The following KYNU variants were observed in gnomAD, a reference collection of about 807,000 sequenced individuals.
KYNU encodes the protein kynureninase, also known as L-kynurenine hydrolase.
Under a neutral mutation model 59.2 loss-of-function variants are expected in KYNU, and 54 were observed. That is an observed-to-expected ratio of 0.91 (90% CI 0.73 to 1.14). KYNU has a LOEUF of 1.14. KYNU is among the 50% of genes most tolerant of loss of function. The probability of loss-of-function intolerance (pLI) is 0.00; values close to 1 mark genes in which losing one functional copy is unlikely to be tolerated. For missense variants in KYNU, 567 were observed against 554.4 expected, an observed-to-expected ratio of 1.02 and a Z score of -0.23; for synonymous variants, 177 against 192.0, an observed-to-expected ratio of 0.92 and a Z score of 0.65.
chr2:142,962,758 A>C (rs1371542939), intron 8 of KYNU, among the ~76,000 whole-genome samples: 1 of 152,214 alleles, frequency 6.6e-6, no homozygotes, highest in Non-Finnish European at 1.5e-5. Context: ...GCAGATGTAG[A>C]TTTATCCATT....
intron 4 of KYNU, among the ~76,000 whole-genome samples, chr2:142,941,327 A>G (rs1199381266): frequency 6.6e-6 from 1 of 152,248 alleles, no homozygotes; most frequent in African/African-American, 2.4e-5. Context: ...ACTGAGAACA[A>G]AAACCAAATA....
chr2:143,046,106 A>C lies in KYNU; in HGVS notation c.*3934A>C, dbSNP rs1687161229. On this transcript the variant is annotated 3_prime_UTR_variant, in exon 14 of 14. Coordinates refer to ENST00000264170, the MANE Select transcript of KYNU (RefSeq NM_003937.3). ...CATGTACTCAACACCTAGGTTAAAA[A>C]ATAGCATTAAAAATTCTCTTTCCAG... 1 of 152,174 alleles carries C rather than the reference A, an allele frequency of 6.6e-6. No homozygotes were observed. The highest frequency in any genetic ancestry group is 1.5e-5 in the Non-Finnish European group (1 of 68,034). The allele number at this position is 152,174 out of a possible 1,614,324, so 9.4% of individuals were successfully genotyped here.
At position 142,931,075 on chromosome 2, in the gene KYNU, C is replaced by T. The variant is rs371598411; in HGVS notation, c.373+3334C>T. Among the ~76,000 whole-genome samples, 23 of 152,288 alleles carry T rather than the reference C, an allele frequency of 1.5e-4. No homozygotes were observed. In the East Asian group the frequency reaches 2.5e-3, roughly 17 times the overall value. Reference sequence around the variant, plus strand: ...GCCTCTTTCTCGATCTTCAGGGTTACGTGTCTTCCGGCCAGGGTAGCTGTC... The same window carrying T: ...GCCTCTTTCTCGATCTTCAGGGTTATGTGTCTTCCGGCCAGGGTAGCTGTC... On this transcript the variant is annotated intron_variant, in intron 4 of 13. Transcript: ENST00000264170.
intron 10 of KYNU, among the ~76,000 whole-genome samples, chr2:143,028,948 T>C (rs1268202528): frequency 1.3e-5 from 2 of 152,202 alleles, no homozygotes; most frequent in Admixed American, 1.3e-4. Flanking sequence ...TATGGGCTTT[T>C]TGGGTACATT....
At chr2:142,986,723 A>G (rs183279708) in intron 10 of KYNU, among the ~76,000 whole-genome samples, 32 of 151,884 alleles carry the variant, frequency 2.1e-4, no homozygotes, top group Non-Finnish European at 4.0e-4. Flanking sequence ...GGAAGAAAAA[A>G]AAAAACCCTT....
chr2:142,961,670 A>G (rs1466937454), intron 8 of KYNU, among the ~76,000 whole-genome samples: 1 of 152,048 alleles, frequency 6.6e-6, no homozygotes, highest in Non-Finnish European at 1.5e-5. Context: ...CCTACCCACT[A>G]CTAAATCACA....
intron 3 of KYNU, among the ~76,000 whole-genome samples, chr2:142,926,537 G>A (rs770592919): frequency 4.5e-4 from 69 of 152,234 alleles, no homozygotes; most frequent in Non-Finnish European, 7.8e-4. Flanking sequence ...AAGTGACAGG[G>A]AAGTTTTATG....
Position 143,033,285 on chromosome 2 carries a change from C to A in KYNU, c.1005C>A (p.Pro335=). The A allele has an allele frequency of 6.2e-7, 1 of 1,613,860 alleles. No individual in the cohort carries two copies. Among genetic ancestry groups the A allele is most frequent in the Non-Finnish European group, 8.5e-7 (1 of 1,179,754 alleles). ...GVCGFRISNP[P]ILLVCSLHAS... Reference sequence around the variant, plus strand: ...GTGGATTCCGAATTTCAAATCCTCCCATTTTGTTGGTCTGTTCCTTGCATG... The same window carrying A: ...GTGGATTCCGAATTTCAAATCCTCCAATTTTGTTGGTCTGTTCCTTGCATG... The change falls in exon 12 of 14, where the codon CCC becomes CCA. Residue 335 remains proline (P), a synonymous_variant. Coordinates refer to ENST00000264170, the MANE Select transcript of KYNU (RefSeq NM_003937.3).
chr2:142,993,879 A>G (rs1476257472), intron 10 of KYNU, among the ~76,000 whole-genome samples: 1 of 152,056 alleles, frequency 6.6e-6, no homozygotes, highest in African/African-American at 2.4e-5. Flanking sequence ...TAATGATGAA[A>G]TAGTCATTAA....
Position 143,054,306 on chromosome 2 carries a change from T to C in KYNU, c.*12134T>C, listed in dbSNP as rs1397104045. The C allele has an allele frequency of 6.6e-6, 1 of 152,158 alleles. No individual in the cohort carries two copies. Among genetic ancestry groups the C allele is most frequent in the Admixed American group, 6.5e-5 (1 of 15,282 alleles). The allele number at this position is 152,158 out of a possible 1,614,324, so 9.4% of individuals were successfully genotyped here. On this transcript the variant is annotated 3_prime_UTR_variant, in exon 14 of 14. Transcript: ENST00000264170. ...TACATAATAGAGCTATAAAGGCAAT[T>C]CACAATTCTCTCTTTTCTCATATAT...
At chr2:142,990,384 G>A (rs1282767534) in intron 10 of KYNU, among the ~76,000 whole-genome samples, 2 of 151,792 alleles carry the variant, frequency 1.3e-5, no homozygotes, top group Non-Finnish European at 2.9e-5. Flanking sequence ...TAACCCTCAT[G>A]GCACACTTTA....
chr2:142,981,602 T>C (rs939203539), intron 8 of KYNU, among the ~76,000 whole-genome samples: 8 of 152,104 alleles, frequency 5.3e-5, no homozygotes, highest in African/African-American at 1.9e-4. Flanking sequence ...CTTAAACTTA[T>C]ATTACAATGG....
chr2:143,020,576 T>A (rs1481415819), intron 10 of KYNU, among the ~76,000 whole-genome samples: 1 of 152,170 alleles, frequency 6.6e-6, no homozygotes, highest in Non-Finnish European at 1.5e-5. Flanking sequence ...ATGTTCTAAG[T>A]GCTGATGAGA....
At chr2:142,979,612 T>C (rs1684995997) in intron 8 of KYNU, among the ~76,000 whole-genome samples, 1 of 151,732 alleles carries the variant, frequency 6.6e-6, no homozygotes, top group South Asian at 2.1e-4. Flanking sequence ...CTATATGGGG[T>C]ATCTGAACAA....
intron 3 of KYNU, among the ~76,000 whole-genome samples, chr2:142,920,164 G>A (rs189829380): frequency 2.4e-4 from 36 of 152,234 alleles, no homozygotes; most frequent in African/African-American, 7.0e-4. Flanking sequence ...GATTAAGAAC[G>A]TAATTTCACA....
At chr2:142,999,138 T>C (rs1242918942) in intron 10 of KYNU, among the ~76,000 whole-genome samples, 2 of 151,542 alleles carry the variant, frequency 1.3e-5, no homozygotes, top group Non-Finnish European at 2.9e-5. Context: ...TTTTATTAAA[T>C]CACTGGTTCA....
intron 10 of KYNU, among the ~76,000 whole-genome samples, chr2:142,988,388 A>G (rs1338590522): frequency 6.6e-6 from 1 of 151,890 alleles, no homozygotes; most frequent in Non-Finnish European, 1.5e-5. Context: ...TGTAACTATC[A>G]CCAAGTTTAT....
intron 4 of KYNU, among the ~76,000 whole-genome samples, chr2:142,948,981 ATACAG>A (rs1416036700): frequency 6.6e-6 from 1 of 152,258 alleles, no homozygotes; most frequent in African/African-American, 2.4e-5. Flanking sequence ...CACTGGGTAA[ATACAG>A]CTGTTCAAAA....
intron 10 of KYNU, among the ~76,000 whole-genome samples, chr2:143,017,928 A>G (rs964934823): frequency 6.6e-6 from 1 of 150,462 alleles, no homozygotes; most frequent in African/African-American, 2.4e-5. Flanking sequence ...ATTTAGTTCA[A>G]TTGCTTAAGT....
Sources: gnomAD v4.1 joint callset for allele counts (sites outside exome capture counted in the v4.1 genomes callset) on GRCh38, gnomAD v4.1.1 for gene constraint, MANE v1.5 for transcripts, NCBI Gene and HGNC (gene_info 2026-07-23, HGNC 2026-07-21) for gene names.